Variants in STON1 observed in about 807,000 individuals in gnomAD.
STON1 encodes the protein stonin 1.
In STON1, 79 loss-of-function variants were observed where a neutral mutation model predicts 60.9. That is an observed-to-expected ratio of 1.30 (90% confidence interval 1.08 to 1.56). The LOEUF (loss-of-function observed/expected upper bound fraction) is 1.56, where lower values mean the gene tolerates loss of function less well. Ranked by LOEUF, STON1 falls within the 40% of genes most tolerant of loss-of-function variation. The pLI is 0.00. For missense variants in STON1, 1,166 were observed against 858.9 expected, an observed-to-expected ratio of 1.36 and a Z score of -4.47; for synonymous variants, 363 against 306.9, an observed-to-expected ratio of 1.18 and a Z score of -1.91.
intron 3 of STON1, among the ~76,000 whole-genome samples, chr2:48,594,858 A>G (rs1674712172): frequency 6.6e-6 from 1 of 152,238 alleles, no homozygotes; most frequent in Non-Finnish European, 1.5e-5. Context: ...AAGGGGGCCA[A>G]TGGCTAGATA....
At chr2:48,541,995 C>T (rs974821764) in intron 1 of STON1, among the ~76,000 whole-genome samples, 2 of 152,238 alleles carry the variant, frequency 1.3e-5, no homozygotes, top group Non-Finnish European at 2.9e-5. Context: ...ATCAAAACCT[C>T]ATGCTCAACT....
At chr2:48,547,512 A>G (rs1558578954) in intron 1 of STON1, among the ~76,000 whole-genome samples, 1 of 152,228 alleles carries the variant, frequency 6.6e-6, no homozygotes, top group Non-Finnish European at 1.5e-5. Flanking sequence ...CGGGGATAGC[A>G]GTCAGTGTCC....
chr2:48,545,983 T>C (rs1409381275), intron 1 of STON1, among the ~76,000 whole-genome samples: 1 of 152,224 alleles, frequency 6.6e-6, no homozygotes, highest in Non-Finnish European at 1.5e-5. Flanking sequence ...CTGTGGGATA[T>C]GTATATGAAA....
chr2:48,535,234 GA>G lies in STON1; in HGVS notation c.-48+5028del, dbSNP rs372351296. 1.6e-3 allele frequency among the ~76,000 whole-genome samples: 232 copies of G among 146,718 alleles called. 3 individuals are homozygous for G. Among genetic ancestry groups the G allele is most frequent in the African/African-American group, 5.4e-3 (217 of 40,026 alleles). Reference sequence around the variant, plus strand: ...AGGGTTTACCATGGAATAAGAAAGAGAAAAAAAAAACCTCATTGCTGGATGC... The same window carrying G: ...AGGGTTTACCATGGAATAAGAAAGAGAAAAAAAAACCTCATTGCTGGATGC... On this transcript the variant is annotated intron_variant, in intron 1 of 3. Coordinates refer to ENST00000404752, the MANE Select transcript of STON1 (RefSeq NM_006873.4).
rs1673865506 is a variant in STON1, at chr2:48,581,277, C to A, written c.644C>A (p.Pro215His). ...TTCTCATCAAGAAACAAGGAGATGC[C>A]TATTGACCAAAAAAGCCTAAATAAG... Reference protein sequence around the residue: ...KMFSSRNKEMPIDQKSLNKCS... With the variant: ...KMFSSRNKEMHIDQKSLNKCS... The change falls in exon 2 of 4, where the codon CCT becomes CAT. Residue 215 changes from proline (P) to histidine (H), a missense_variant. Physicochemically the swap from Pro to His is moderately conservative, Grantham distance 77 (BLOSUM62 -2). Transcript: ENST00000404752. 1 of 1,519,416 alleles carries A rather than the reference C, an allele frequency of 6.6e-7. No homozygotes were observed. Among genetic ancestry groups the A allele is most frequent in the Non-Finnish European group, 8.8e-7 (1 of 1,137,938 alleles). 94.1% of individuals were successfully genotyped at this position (1,519,416 alleles called of 1,614,324 possible). A position where few individuals can be genotyped will look rare whatever the true frequency, so the allele number is the denominator to read the frequency against.
chr2:48,570,331 C>G (rs1196389343), intron 1 of STON1, among the ~76,000 whole-genome samples: 1 of 151,530 alleles, frequency 6.6e-6, no homozygotes, highest in Non-Finnish European at 1.5e-5. Context: ...GAGACTCAGT[C>G]TCAAATTAAA....
In STON1 at chr2:48,565,175, C is replaced by A. The variant is rs550498351; in HGVS notation, c.-47-15412C>A. The stretch of plus-strand genomic sequence containing the variant: ...TCATGCCATTCTCCTGCCTCAGCCT[C>A]CCGAGTGGCTGGGACTACAGGCGCC... On this transcript the variant is annotated intron_variant, in intron 1 of 3. Transcript: ENST00000404752. Among the ~76,000 whole-genome samples, 825 of 151,276 alleles carry A rather than the reference C, an allele frequency of 5.5e-3. 4 individuals carry two copies. The highest frequency in any genetic ancestry group is 6.7e-3 in the Non-Finnish European group (453 of 67,846).
chr2:48,583,754 CTTT>C (rs905822150), intron 2 of STON1, among the ~76,000 whole-genome samples: 8 of 133,672 alleles, frequency 6.0e-5, no homozygotes, highest in Non-Finnish European at 9.6e-5. Context: ...TCTTTTTTTT[CTTT>C]TTTTTTTTTT....
chr2:48,557,340 C>A (rs1165961967), intron 1 of STON1, among the ~76,000 whole-genome samples: 1 of 93,668 alleles, frequency 1.1e-5, no homozygotes, highest in Non-Finnish European at 2.3e-5. Flanking sequence ...CCAGATGGGG[C>A]GGCGGGGCAG....
intron 2 of STON1, among the ~76,000 whole-genome samples, chr2:48,583,879 G>A (rs529224430): frequency 1.3e-4 from 20 of 151,936 alleles, no homozygotes; most frequent in African/African-American, 3.4e-4. Flanking sequence ...AGCCTCCGGA[G>A]TAGCTGGAAC....
chr2:48,559,973 T>C (rs1033633951), intron 1 of STON1, among the ~76,000 whole-genome samples: 1 of 152,168 alleles, frequency 6.6e-6, no homozygotes, highest in Non-Finnish European at 1.5e-5. Context: ...ATGCAGCTTG[T>C]TTTGTGTGTG....
intron 1 of STON1, among the ~76,000 whole-genome samples, chr2:48,567,683 G>T (rs960093754): frequency 1.3e-5 from 2 of 152,180 alleles, no homozygotes; most frequent in African/African-American, 2.4e-5. Flanking sequence ...GATTACAGGC[G>T]TGAGCCACTG....
intron 2 of STON1, among the ~76,000 whole-genome samples, chr2:48,588,118 T>A (rs1674316916): frequency 6.6e-6 from 1 of 152,192 alleles, no homozygotes; most frequent in African/African-American, 2.4e-5. Flanking sequence ...AATCACCTTG[T>A]TAAAATGTGG....
intron 1 of STON1, among the ~76,000 whole-genome samples, chr2:48,561,208 G>C (rs534888000): frequency 6.6e-6 from 1 of 152,262 alleles, no homozygotes; most frequent in African/African-American, 2.4e-5. Context: ...CCTCAGACCT[G>C]ACCAATGTGC....
intron 1 of STON1, among the ~76,000 whole-genome samples, chr2:48,566,958 A>G (rs1296347677): frequency 6.6e-6 from 1 of 152,140 alleles, no homozygotes; most frequent in Non-Finnish European, 1.5e-5. Context: ...GGTCAAAGAG[A>G]GAATCTATGT....
At chr2:48,535,943 C>T (rs542612884) in intron 1 of STON1, among the ~76,000 whole-genome samples, 3 of 151,984 alleles carry the variant, frequency 2.0e-5, no homozygotes, top group Admixed American at 6.5e-5. Context: ...TAAAAATTAG[C>T]TGGGCATGGT....
intron 1 of STON1, among the ~76,000 whole-genome samples, chr2:48,535,953 T>A (rs549467530): frequency 1.3e-5 from 2 of 151,980 alleles, no homozygotes; most frequent in African/African-American, 4.8e-5. Flanking sequence ...CTGGGCATGG[T>A]GGTGTGCCCT....
At chr2:48,564,569 C>G (rs13008115) in intron 1 of STON1, among the ~76,000 whole-genome samples, 1 of 36,476 alleles carries the variant, frequency 2.7e-5, no homozygotes, top group East Asian at 6.5e-4. Context: ...TTCTTCTTCT[C>G]CTTCTCCTTC....
chr2:48,565,692 C>T (rs1452227991), intron 1 of STON1, among the ~76,000 whole-genome samples: 3 of 152,174 alleles, frequency 2.0e-5, no homozygotes, highest in East Asian at 1.9e-4. Flanking sequence ...TCTTTAGCTT[C>T]CTCCTGACTG....
Sources: allele counts gnomAD v4.1 joint callset (sites outside exome capture counted in the v4.1 genomes callset), GRCh38; gene constraint gnomAD v4.1.1; transcripts MANE v1.5; gene names NCBI Gene and HGNC (gene_info 2026-07-23, HGNC 2026-07-21).